LCLAT1: variants seen among roughly 807,000 people sequenced by gnomAD.
LCLAT1 encodes the protein 1-AGP acyltransferase 8.
In LCLAT1, 11 loss-of-function variants were observed where a neutral mutation model predicts 30.7. The ratio of observed to expected loss-of-function variants is 0.36; its 90% confidence interval spans 0.23 to 0.59. The LOEUF is 0.59. LCLAT1 is among the 20% of genes least tolerant of loss of function. The pLI, the probability that LCLAT1 is intolerant of heterozygous loss-of-function variation, is 0.77. For missense variants in LCLAT1, 402 were observed against 458.6 expected (o/e 0.88, Z 1.13); for synonymous variants, 155 against 151.3 (o/e 1.02, Z -0.18).
rs566123217 is a variant in LCLAT1 at position 30,602,971 on chromosome 2, T to G, written c.628+34795T>G. 7.2e-5 allele frequency among the ~76,000 whole-genome samples: 11 copies of G among 152,254 alleles called. No homozygotes were observed. The East Asian group carries it at 1.2e-3, about 16-fold the overall frequency. ...CATGGATTTGAGAACTGGAAAGAATTGAGTTAGAATCATAATTCCATGTCT... is the reference window on the plus strand; with the variant it reads ...CATGGATTTGAGAACTGGAAAGAATGGAGTTAGAATCATAATTCCATGTCT... On this transcript the variant is annotated intron_variant, in intron 5 of 5. Transcript: ENST00000379509.
intron 1 of LCLAT1, among the ~76,000 whole-genome samples, chr2:30,504,042 A>T (rs1414121253): frequency 6.6e-6 from 1 of 152,008 alleles, no homozygotes; most frequent in Non-Finnish European, 1.5e-5. Context: ...TGAGCAGAGA[A>T]AATTTCTGCT....
intron 1 of LCLAT1, among the ~76,000 whole-genome samples, chr2:30,506,168 T>G (rs1278300715): frequency 2.0e-5 from 3 of 152,260 alleles, no homozygotes; most frequent in East Asian, 3.9e-4. Flanking sequence ...GCTTGTTATC[T>G]TGTAACTTCT....
At chr2:30,459,509 A>C in intron 1 of LCLAT1, 1 of 810,736 alleles carries the variant, frequency 1.2e-6, no homozygotes, top group Non-Finnish European at 2.2e-6. Flanking sequence ...ACTGTTCCCA[A>C]ACTCTGCTTT....
intron 2 of LCLAT1, among the ~76,000 whole-genome samples, chr2:30,531,080 G>A (rs1329835879): frequency 2.0e-5 from 3 of 151,956 alleles, no homozygotes; most frequent in Admixed American, 6.6e-5. Context: ...CCTGGCCAAC[G>A]TGGTGAAATC....
intron 1 of LCLAT1, among the ~76,000 whole-genome samples, chr2:30,509,406 A>G (rs895906074): frequency 2.0e-5 from 3 of 152,108 alleles, no homozygotes; most frequent in Admixed American, 1.3e-4. Flanking sequence ...GGTTTTTGTC[A>G]TAGATGGTTC....
intron 1 of LCLAT1, among the ~76,000 whole-genome samples, chr2:30,472,397 T>C (rs556864685): frequency 6.6e-6 from 1 of 152,294 alleles, no homozygotes; most frequent in East Asian, 1.9e-4. Context: ...CCTTTTAATG[T>C]TTTATTTTGT....
chr2:30,578,595 T>C (rs1666085941), intron 5 of LCLAT1, among the ~76,000 whole-genome samples: 1 of 152,160 alleles, frequency 6.6e-6, no homozygotes, highest in South Asian at 2.1e-4. Flanking sequence ...CTAGGCACAG[T>C]TGTCACTCAT....
intron 5 of LCLAT1, 49 bp downstream of exon 5, chr2:30,568,225 G>T (rs1436167884): frequency 2.0e-6 from 2 of 1,008,342 alleles, no homozygotes; most frequent in African/African-American, 3.3e-5. Flanking sequence ...GGCAAAAATT[G>T]CTAAGCTTTA....
chr2:30,568,883 A>AAAAAAG, intron 5 of LCLAT1, among the ~76,000 whole-genome samples: 1 of 150,632 alleles, frequency 6.6e-6, no homozygotes, highest in African/African-American at 2.5e-5. Context: ...AAAAAAAAAA[A>AAAAAAG]AGAGAAAAAA....
chr2:30,459,981 G>A (rs1400226232), intron 1 of LCLAT1, among the ~76,000 whole-genome samples: 1 of 152,182 alleles, frequency 6.6e-6, no homozygotes, highest in African/African-American at 2.4e-5. Context: ...ATTTGGTTGT[G>A]TGATTCTTTT....
At chr2:30,600,754 G>C (rs542900181) in intron 5 of LCLAT1, among the ~76,000 whole-genome samples, 4 of 152,152 alleles carry the variant, frequency 2.6e-5, no homozygotes, top group Admixed American at 6.6e-5. Flanking sequence ...ATGATTATGT[G>C]TCTTGGTCTA....
chr2:30,513,282 TTAAC>T (rs1685025217), intron 1 of LCLAT1, among the ~76,000 whole-genome samples: 1 of 151,718 alleles, frequency 6.6e-6, no homozygotes, highest in Non-Finnish European at 1.5e-5. Context: ...TTTGCTACAT[TTAAC>T]TATATGTATT....
Position 30,640,187 on chromosome 2 carries a change from C to T in LCLAT1, c.699C>T (p.His233=), listed in dbSNP as rs76277684. ...ACAACATTCCTCAATCAGAGAAGCACCTCCTCCAAGGAGACTTTCCCAGGG... is the reference window on the plus strand; with the variant it reads ...ACAACATTCCTCAATCAGAGAAGCATCTCCTCCAAGGAGACTTTCCCAGGG... ...YPHNIPQSEK[H]LLQGDFPREI... Residue 233 remains histidine, a synonymous_variant, in exon 6 of 6, where the codon CAC becomes CAT. Coordinates refer to ENST00000379509, the MANE Select transcript of LCLAT1 (RefSeq NM_001002257.3). 1 of 1,614,166 alleles carries T rather than the reference C, an allele frequency of 6.2e-7. No individual in the cohort carries two copies. The highest frequency in any genetic ancestry group is 8.5e-7 in the Non-Finnish European group (1 of 1,180,010).
intron 1 of LCLAT1, among the ~76,000 whole-genome samples, chr2:30,448,866 A>G (rs1243926019): frequency 1.3e-5 from 2 of 151,738 alleles, no homozygotes; most frequent in Admixed American, 6.6e-5. Context: ...TAAAGTGAGT[A>G]TTTCTTATTC....
chr2:30,598,214 T>C (rs1414458298), intron 5 of LCLAT1, among the ~76,000 whole-genome samples: 1 of 152,122 alleles, frequency 6.6e-6, no homozygotes, highest in African/African-American at 2.4e-5. Flanking sequence ...TTGGAAGAAA[T>C]GGTACCAGCT....
At chr2:30,459,170 G>C (rs1047384541) in intron 1 of LCLAT1, among the ~76,000 whole-genome samples, 8 of 152,220 alleles carry the variant, frequency 5.3e-5, no homozygotes, top group South Asian at 2.1e-4. Context: ...TACAAAGTGT[G>C]GGGGAAAGGA....
chr2:30,596,265 A>G (rs1224157918), intron 5 of LCLAT1, among the ~76,000 whole-genome samples: 1 of 152,176 alleles, frequency 6.6e-6, no homozygotes, highest in African/African-American at 2.4e-5. Flanking sequence ...CCAACAATGT[A>G]AAAGCATTCC....
intron 3 of LCLAT1, among the ~76,000 whole-genome samples, chr2:30,543,569 T>C (rs1471623794): frequency 6.6e-6 from 1 of 152,176 alleles, no homozygotes; most frequent in Non-Finnish European, 1.5e-5. Flanking sequence ...GAGTTTTTTT[T>C]AGTGGGTGTC....
At chr2:30,586,176 G>A (rs904619934) in intron 5 of LCLAT1, among the ~76,000 whole-genome samples, 7 of 150,350 alleles carry the variant, frequency 4.7e-5, no homozygotes, top group East Asian at 3.9e-4. Context: ...CCCGGGAGGC[G>A]GAGCTTGCGA....
Sources: allele counts gnomAD v4.1 joint callset (sites outside exome capture counted in the v4.1 genomes callset), GRCh38; gene constraint gnomAD v4.1.1; transcripts MANE v1.5; gene names NCBI Gene and HGNC (gene_info 2026-07-23, HGNC 2026-07-21).